Variants in PDLIM1 observed in about 807,000 individuals in gnomAD.
PDLIM1 encodes the protein PDZ and LIM domain protein 1.
PDLIM1 carries 25 observed loss-of-function variants against 35.2 expected under a neutral mutation model. That is an observed-to-expected ratio of 0.71 (90% CI 0.52 to 0.99). PDLIM1 has a LOEUF of 0.99. Ranked by LOEUF, PDLIM1 falls within the 50% of genes least tolerant of loss-of-function variation. PDLIM1 has a pLI of 0.00. For synonymous variants in PDLIM1, 152 were observed against 154.0 expected (o/e 0.99, Z 0.10); for missense variants, 363 against 415.3 (o/e 0.87, Z 1.09).
intron 4 of PDLIM1, among the ~76,000 whole-genome samples, chr10:95,259,265 A>T (rs1485599005): frequency 6.6e-6 from 1 of 152,196 alleles, no homozygotes; most frequent in Non-Finnish European, 1.5e-5. Context: ...CAAAATAAAA[A>T]TTTTAATTAA....
chr10:95,280,746 G>A (rs557944322), intron 1 of PDLIM1, among the ~76,000 whole-genome samples: 13 of 152,206 alleles, frequency 8.5e-5, no homozygotes, highest in Admixed American at 4.6e-4. Context: ...GCTTATTTGT[G>A]GACAGGACTA....
At chr10:95,257,467 C>G (rs1476115994) in intron 4 of PDLIM1, among the ~76,000 whole-genome samples, 2 of 151,688 alleles carry the variant, frequency 1.3e-5, no homozygotes, top group Non-Finnish European at 2.9e-5. Context: ...TACAACTCAA[C>G]AAAAAACAAA....
At chr10:95,284,350 T>C (rs1017568704) in intron 1 of PDLIM1, among the ~76,000 whole-genome samples, 3 of 152,132 alleles carry the variant, frequency 2.0e-5, no homozygotes, top group South Asian at 4.1e-4. Context: ...ATTTAATCTA[T>C]CTGTATGCAT....
intron 4 of PDLIM1, among the ~76,000 whole-genome samples, chr10:95,262,071 G>A (rs563405115): frequency 3.9e-5 from 6 of 152,198 alleles, no homozygotes; most frequent in African/African-American, 1.4e-4. Flanking sequence ...ACAGGGAACA[G>A]GGATGCACAT....
At chr10:95,260,635 AG>A (rs922092531) in intron 4 of PDLIM1, among the ~76,000 whole-genome samples, 4 of 152,200 alleles carry the variant, frequency 2.6e-5, no homozygotes, top group African/African-American at 9.6e-5. Context: ...ACTGGGACAC[AG>A]CTCTGTAAAG....
At chr10:95,246,019 G>C (rs999043438) in intron 5 of PDLIM1, among the ~76,000 whole-genome samples, 2 of 152,180 alleles carry the variant, frequency 1.3e-5, no homozygotes, top group Non-Finnish European at 2.9e-5. Flanking sequence ...CCATCACAAG[G>C]TGTCCCCTCA....
chr10:95,290,486 G>T lies in PDLIM1; in HGVS notation c.96+334C>A, dbSNP rs1316425957. On this transcript the variant is annotated intron_variant, in intron 1 of 6. Coordinates refer to ENST00000329399, the MANE Select transcript of PDLIM1 (RefSeq NM_020992.4). This position sits in a 1 kb window ranked among gnomAD's most constrained non-coding sequence, Gnocchi z 4.7. ...AGAAGTGCCATCTCCCAGCGCGCGG[G>T]ATCTGCGGGGACCCTCGTCCCCTCG... Among the ~76,000 whole-genome samples the T allele has an allele frequency of 6.6e-6, 1 of 152,086 alleles. No individual in the cohort carries two copies. Among genetic ancestry groups the T allele is most frequent in the Non-Finnish European group, 1.5e-5 (1 of 68,006 alleles).
intron 4 of PDLIM1, among the ~76,000 whole-genome samples, 182 bp downstream of exon 4, chr10:95,263,682 C>T (rs2035385605): frequency 6.6e-6 from 1 of 152,170 alleles, no homozygotes; most frequent in South Asian, 2.1e-4. Context: ...TACAGACACC[C>T]TATAAAGCAG....
Position 95,276,921 on chromosome 10 carries a change from A to C in PDLIM1, c.97-5137T>G, listed in dbSNP as rs111766398. ...TAAAAAAAAAAAAAAAAAAAAAAAA[A>C]AAACTTCTGGGCCAGGCATGGTGGC... On this transcript the variant is annotated intron_variant, in intron 1 of 6. Transcript: ENST00000329399. Among the ~76,000 whole-genome samples the C allele has an allele frequency of 3.8e-3, 500 of 132,652 alleles. 4 individuals carry two copies. Among genetic ancestry groups the C allele is most frequent in the Middle Eastern group, 0.012 (3 of 258 alleles). The allele number at this position is 132,652 out of a possible 152,430, so 87.0% of individuals were successfully genotyped here. A position where few individuals can be genotyped will look rare whatever the true frequency, so the allele number is the denominator to read the frequency against.
chr10:95,271,783 ACCT>A lies in PDLIM1; in HGVS notation c.97-2_97del. On this transcript the variant is annotated splice_acceptor_variant and coding_sequence_variant, in exon 2 of 7. Coordinates refer to ENST00000329399, the MANE Select transcript of PDLIM1 (RefSeq NM_020992.4). LOFTEE classifies it high-confidence loss of function. ...TAGAGCCGCCTTGCTTCCAGGAGTG[ACCT>A]AGAAAAAAAGGGGAAAGCAGGCTAG... 6.2e-7 allele frequency: 1 copy of A among 1,609,434 alleles called. No homozygotes were observed. Among genetic ancestry groups the A allele is most frequent in the Non-Finnish European group, 8.5e-7 (1 of 1,178,712 alleles).
chr10:95,280,881 G>A (rs542629623), intron 1 of PDLIM1, among the ~76,000 whole-genome samples: 1 of 152,270 alleles, frequency 6.6e-6, no homozygotes, highest in South Asian at 2.1e-4. Flanking sequence ...TTGCAAGGAT[G>A]AGGCAATGGT....
At chr10:95,272,391 T>C (rs1207298343) in intron 1 of PDLIM1, among the ~76,000 whole-genome samples, 2 of 152,184 alleles carry the variant, frequency 1.3e-5, no homozygotes, top group Non-Finnish European at 2.9e-5. Context: ...ATTTAAAAAA[T>C]TGTTGACCAG....
chr10:95,274,932 G>A (rs2035498494), intron 1 of PDLIM1, among the ~76,000 whole-genome samples: 1 of 152,152 alleles, frequency 6.6e-6, no homozygotes, highest in African/African-American at 2.4e-5. Flanking sequence ...TAAACTGTCT[G>A]AAAAACTAAC....
intron 5 of PDLIM1, among the ~76,000 whole-genome samples, chr10:95,239,777 C>T (rs1017531144): frequency 6.6e-6 from 1 of 152,092 alleles, no homozygotes; most frequent in African/African-American, 2.4e-5. Context: ...GCCTGGGCAA[C>T]AGAGCGAGAC....
chr10:95,262,788 C>T (rs1310770856), intron 4 of PDLIM1, among the ~76,000 whole-genome samples: 1 of 152,176 alleles, frequency 6.6e-6, no homozygotes, highest in East Asian at 1.9e-4. Flanking sequence ...CTGGATTCAT[C>T]CTCAAAGAGC....
chr10:95,237,933 G>GGT lies in PDLIM1; in HGVS notation c.981_982insAC (p.Pro328ThrfsTer46). On this transcript the variant is annotated frameshift_variant, in exon 7 of 7. Transcript: ENST00000329399. LOFTEE classifies it high-confidence loss of function. ...TGGTCAGATCTGCTGGCTCACTTGG[G>GGT]GAACACAGTGACCACTTCATAACCC... 1.2e-6 allele frequency: 2 copies of GGT among 1,613,878 alleles called. No individual in the cohort carries two copies. Among genetic ancestry groups the GGT allele is most frequent in the Non-Finnish European group, 1.7e-6 (2 of 1,179,812 alleles).
chr10:95,271,616 G>A lies in PDLIM1; in HGVS notation c.248+17C>T, dbSNP rs567337319. On this transcript the variant is annotated intron_variant, in intron 2 of 6. Coordinates refer to ENST00000329399, the MANE Select transcript of PDLIM1 (RefSeq NM_020992.4). ...CTAGTCAATCAGAAATGAACAAAAC[G>A]TTTCCATAGGCTTCACCTGGCTACA... The A allele has an allele frequency of 1.8e-5, 29 of 1,580,478 alleles. 1 individual carries two copies. In the South Asian group the frequency reaches 1.9e-4, roughly 10 times the overall value.
In PDLIM1 at chr10:95,251,234, CT is replaced by C. The variant is rs5787127; in HGVS notation, c.534-3869del. Among the ~76,000 whole-genome samples the C allele has an allele frequency of 8.0e-3, 1,139 of 142,858 alleles. 5 individuals carry two copies. Among genetic ancestry groups the C allele is most frequent in the African/African-American group, 0.02 (781 of 38,706 alleles). 93.7% of individuals were successfully genotyped at this position (142,858 alleles called of 152,430 possible). A position where few individuals can be genotyped will look rare whatever the true frequency, so the allele number is the denominator to read the frequency against. ...GTGCCCAGAGTGAGGATATAAGGGG[CT>C]TTTTTTTTTTTTTAACTTGGGCCAT... On this transcript the variant is annotated intron_variant, in intron 4 of 6. Coordinates refer to ENST00000329399, the MANE Select transcript of PDLIM1 (RefSeq NM_020992.4).
intron 4 of PDLIM1, among the ~76,000 whole-genome samples, chr10:95,263,494 C>T (rs959054815): frequency 6.6e-6 from 1 of 152,112 alleles, no homozygotes; most frequent in African/African-American, 2.4e-5. Flanking sequence ...AAACACTCCC[C>T]GACTAATAAT....
Sources: allele counts gnomAD v4.1 joint callset (sites outside exome capture counted in the v4.1 genomes callset), GRCh38; gene constraint gnomAD v4.1.1; non-coding constraint Gnocchi (gnomAD v3.1); transcripts MANE v1.5; gene names NCBI Gene and HGNC (gene_info 2026-07-23, HGNC 2026-07-21).